Variants in BCKDK observed in about 807,000 individuals in gnomAD.
BCKDK encodes branched-chain alpha-ketoacid dehydrogenase kinase.
A neutral mutation model predicts 43.9 loss-of-function variants in BCKDK; 28 were observed. That is an observed-to-expected ratio of 0.64 (90% CI 0.47 to 0.87). The LOEUF is 0.87. Among genes scored for constraint, BCKDK ranks in the 40% least tolerant of loss-of-function variants. BCKDK has a pLI of 0.00. For missense variants in BCKDK, 483 were observed against 581.4 expected (o/e 0.83, Z 1.74); for synonymous variants, 257 against 234.3 (o/e 1.10, Z -0.88).
Position 31,110,036 on chromosome 16 carries a change from G to A in BCKDK, c.376-41G>A. 6.2e-7 allele frequency: 1 copy of A among 1,613,832 alleles called. No homozygotes were observed. Among genetic ancestry groups the A allele is most frequent in the Non-Finnish European group, 8.5e-7 (1 of 1,179,854 alleles). ...TGGGGGTGGCTGTTCTCTGCTCAGT[G>A]CCCATGCGGCTTTGTGAATTCCCAC... is the stretch of plus-strand genomic sequence containing the variant. On this transcript the variant is annotated intron_variant, in intron 4 of 11. Coordinates refer to ENST00000219794, the MANE Select transcript of BCKDK (RefSeq NM_005881.4). This position sits in a 1 kb window ranked among gnomAD's most constrained non-coding sequence, Gnocchi z 5.4.
Position 31,109,564 on chromosome 16 carries a change from C to A in BCKDK, c.249C>A (p.Asp83Glu), listed in dbSNP as rs138821043. Residue 83 changes from aspartate (D) to glutamate (E), a missense_variant, in exon 3 of 12, where the codon GAC becomes GAA. Transcript: ENST00000219794. The surrounding 1 kb of genome is among the most constrained non-coding windows in gnomAD (Gnocchi z 5.3). ...TMMLYAGRSQ[D>E]GSHLLKSARY... The stretch of plus-strand genomic sequence containing the variant: ...TGCTCTACGCTGGCCGCTCTCAGGA[C>A]GGCAGCCACCTTCTGGTAAGATTCA... The A allele has an allele frequency of 1.2e-6, 2 of 1,614,002 alleles. No individual in the cohort carries two copies. The highest frequency in any genetic ancestry group is 1.3e-5 in the African/African-American group (1 of 74,934).
chr16:31,113,179 T>C (rs754802828), downstream of BCKDK, among the ~76,000 whole-genome samples: 2 of 152,212 alleles, frequency 1.3e-5, no homozygotes, highest in Non-Finnish European at 2.9e-5. Context: ...AAGAAAGGCC[T>C]AAGGGCGGCC....
Position 31,112,022 on chromosome 16 carries a change from GC to G in BCKDK, c.1090del (p.His364ThrfsTer140). The G allele has an allele frequency of 6.2e-7, 1 of 1,614,044 alleles. No individual in the cohort carries two copies. The highest frequency in any genetic ancestry group is 8.5e-7 in the Non-Finnish European group (1 of 1,180,008). ...MHSGAQSGPM[H>X]GFGFGLPTSR... Reference sequence around the variant, plus strand: ...ATAGTGGCGCCCAGTCAGGACCCATGCACGGGTGAGACCCTGCCAGGCCAGG... The same window carrying G: ...ATAGTGGCGCCCAGTCAGGACCCATGACGGGTGAGACCCTGCCAGGCCAGG... On this transcript the variant is annotated frameshift_variant, in exon 11 of 12. Transcript: ENST00000219794. LOFTEE classifies it high-confidence loss of function. The surrounding 1 kb of genome is among the most constrained non-coding windows in gnomAD (Gnocchi z 5.0).
Position 31,109,205 on chromosome 16 carries a change from G to C in BCKDK, c.-19G>C, listed in dbSNP as rs770901905. The stretch of plus-strand genomic sequence containing the variant: ...GATCCTCAGTCCTAGCGGCCACCGG[G>C]TCTGAAAGGAGCAAGACGATGATCC... On this transcript the variant is annotated 5_prime_UTR_variant, in exon 2 of 12. Transcript: ENST00000219794. This position sits in a 1 kb window ranked among gnomAD's most constrained non-coding sequence, Gnocchi z 5.3. 78 of 1,499,812 alleles carry C rather than the reference G, an allele frequency of 5.2e-5. No homozygotes were observed. The highest frequency in any genetic ancestry group is 2.0e-4 in the Middle Eastern group (1 of 5,016). The allele number at this position is 1,499,812 out of a possible 1,614,324, so 92.9% of individuals were successfully genotyped here. A position where few individuals can be genotyped will look rare whatever the true frequency, so the allele number is the denominator to read the frequency against.
chr16:31,112,380 G>A lies in BCKDK; in HGVS notation c.*115G>A. 2 of 1,497,344 alleles carry A rather than the reference G, an allele frequency of 1.3e-6. No homozygotes were observed. The highest frequency in any genetic ancestry group is 1.8e-6 in the Non-Finnish European group (2 of 1,096,018). 92.8% of individuals were successfully genotyped at this position (1,497,344 alleles called of 1,614,324 possible). A position where few individuals can be genotyped will look rare whatever the true frequency, so the allele number is the denominator to read the frequency against. ...CACACTGCTGCATCTTGGGTCTCAG[G>A]GACCCAGACAGATGGACTTACATGG... is the stretch of plus-strand genomic sequence containing the variant. On this transcript the variant is annotated 3_prime_UTR_variant, in exon 12 of 12. Coordinates refer to ENST00000219794, the MANE Select transcript of BCKDK (RefSeq NM_005881.4). This position sits in a 1 kb window ranked among gnomAD's most constrained non-coding sequence, Gnocchi z 5.0.
At chr16:31,115,325 C>T (rs1422523960), downstream of BCKDK, among the ~76,000 whole-genome samples, 3 of 150,758 alleles carry the variant, frequency 2.0e-5, no homozygotes, top group Non-Finnish European at 2.9e-5. Flanking sequence ...CAGGTTCAAG[C>T]GGTTCTCCTG....
Position 31,112,327 on chromosome 16 carries a change from G to C in BCKDK, c.*62G>C, listed in dbSNP as rs530965915. Reference sequence around the variant, plus strand: ...GGCCGCATTCCCTGCAGGACCTCCCGGGTCAGGCAGGGCGGCCCCCTGCTC... The same window carrying C: ...GGCCGCATTCCCTGCAGGACCTCCCCGGTCAGGCAGGGCGGCCCCCTGCTC... On this transcript the variant is annotated 3_prime_UTR_variant, in exon 12 of 12. Coordinates refer to ENST00000219794, the MANE Select transcript of BCKDK (RefSeq NM_005881.4). This position sits in a 1 kb window ranked among gnomAD's most constrained non-coding sequence, Gnocchi z 5.0. The C allele has an allele frequency of 1.4e-5, 23 of 1,597,930 alleles. No individual in the cohort carries two copies. Among genetic ancestry groups the C allele is most frequent in the Non-Finnish European group, 1.4e-5 (16 of 1,178,440 alleles).
At chr16:31,116,288 C>T (rs893062669), downstream of BCKDK, among the ~76,000 whole-genome samples, 1 of 150,880 alleles carries the variant, frequency 6.6e-6, no homozygotes. Flanking sequence ...TCTCGGCTCA[C>T]TGCAACCTCC....
chr16:31,110,982 C>T lies in BCKDK; in HGVS notation c.717-109C>T. ...AGCAGTACTGCCTAGTTGTGACAAA[C>T]AAAAATGTCTCTGCACATTGCCATA... On this transcript the variant is annotated intron_variant, in intron 8 of 11. Transcript: ENST00000219794. The surrounding 1 kb of genome is among the most constrained non-coding windows in gnomAD (Gnocchi z 5.4). The T allele has an allele frequency of 6.5e-7, 1 of 1,539,102 alleles. No individual in the cohort carries two copies. Among genetic ancestry groups the T allele is most frequent in the East Asian group, 2.3e-5 (1 of 44,220 alleles).
Position 31,111,218 on chromosome 16 carries a change from A to AGGTGG in BCKDK, c.845+5_845+9dup. The AGGTGG allele has an allele frequency of 6.2e-7, 1 of 1,614,142 alleles. No homozygotes were observed. Among genetic ancestry groups the AGGTGG allele is most frequent in the Non-Finnish European group, 8.5e-7 (1 of 1,180,004 alleles). On this transcript the variant is annotated frameshift_variant and splice_region_variant, in exon 9 of 12. Coordinates refer to ENST00000219794, the MANE Select transcript of BCKDK (RefSeq NM_005881.4). LOFTEE classifies it high-confidence loss of function. ...GCCGGAGCTGCTCAAGAATGCCATGAGGTGGGGTGGCTTGATGTGCTGGCT... is the reference window on the plus strand; with the variant it reads ...GCCGGAGCTGCTCAAGAATGCCATGAGGTGGGGTGGGGTGGCTTGATGTGCTGGCT...
chr16:31,109,466 G>C lies in BCKDK; in HGVS notation c.196-45G>C, dbSNP rs748858351. 9.9e-6 allele frequency: 16 copies of C among 1,613,604 alleles called. No homozygotes were observed. Among genetic ancestry groups the C allele is most frequent in the Non-Finnish European group, 1.4e-5 (16 of 1,179,862 alleles). ...CAGGGTCCGGGATGTAGGCGGGAGG[G>C]AGAGTGTTGGGGGTTCTCTGCTCAA... On this transcript the variant is annotated intron_variant, in intron 2 of 11. Transcript: ENST00000219794. The surrounding 1 kb of genome is among the most constrained non-coding windows in gnomAD (Gnocchi z 5.3).
chr16:31,110,789 G>C lies in BCKDK; in HGVS notation c.716+28G>C, dbSNP rs1301477523. 4 of 1,607,098 alleles carry C rather than the reference G, an allele frequency of 2.5e-6. No individual in the cohort carries two copies. In the African/African-American group the frequency reaches 5.4e-5, roughly 21 times the overall value. ...GAGGCAAGAATGGCTCAGGGGGTGG[G>C]CAGACATCTGGGGCAGGGAAGGCTT... On this transcript the variant is annotated intron_variant, in intron 8 of 11. Transcript: ENST00000219794. This position sits in a 1 kb window ranked among gnomAD's most constrained non-coding sequence, Gnocchi z 5.4.
chr16:31,109,142 T>A lies in BCKDK; in HGVS notation c.-82T>A. ...GAGCCCCTACCCACCCACACCCCCT[T>A]GCCCCATTTTGGGTCGCCTGGGTCC... On this transcript the variant is annotated 5_prime_UTR_variant, in exon 2 of 12. Coordinates refer to ENST00000219794, the MANE Select transcript of BCKDK (RefSeq NM_005881.4). The surrounding 1 kb of genome is among the most constrained non-coding windows in gnomAD (Gnocchi z 5.3). 1 of 1,304,438 alleles carries A rather than the reference T, an allele frequency of 7.7e-7. No homozygotes were observed. Among genetic ancestry groups the A allele is most frequent in the East Asian group, 2.6e-5 (1 of 38,138 alleles). 80.8% of individuals were successfully genotyped at this position (1,304,438 alleles called of 1,614,324 possible).
downstream of BCKDK, chr16:31,117,402 T>TAAATAAATAAAAA (rs753420395): frequency 5.5e-6 from 1 of 180,830 alleles, no homozygotes; most frequent in South Asian, 3.4e-4. Flanking sequence ...ATAAATAAAT[T>TAAATAAATAAAAA]AAAAAAAGGT....
downstream of BCKDK, chr16:31,117,491 C>A: frequency 2.3e-6 from 1 of 426,052 alleles, no homozygotes; most frequent in South Asian, 8.1e-5. Context: ...CACGGAAAAC[C>A]AGGAGCTCCA....
At chr16:31,113,153 A>AGTGT (rs2057427651), downstream of BCKDK, among the ~76,000 whole-genome samples, 2 of 152,308 alleles carry the variant, frequency 1.3e-5, no homozygotes, top group East Asian at 1.9e-4. Context: ...GGAACACCCT[A>AGTGT]CCCACCTTGC....
chr16:31,114,432 C>T (rs544908901), downstream of BCKDK, among the ~76,000 whole-genome samples: 43 of 151,930 alleles, frequency 2.8e-4, no homozygotes, highest in African/African-American at 1.0e-3. Context: ...AGGCTGGTCT[C>T]GAACTCCCAA....
At position 31,109,957 on chromosome 16, in the gene BCKDK, A is replaced by T. The variant is rs184927873; in HGVS notation, c.376-120A>T. ...TATTCACGGAGCCTGGAAGGGTCGA[A>T]GTGGGGGTTTGATCACGTGGTCGAC... On this transcript the variant is annotated intron_variant, in intron 4 of 11. Transcript: ENST00000219794. The surrounding 1 kb of genome is among the most constrained non-coding windows in gnomAD (Gnocchi z 5.3). 1.0e-4 allele frequency: 150 copies of T among 1,467,822 alleles called. No homozygotes were observed. In the Admixed American group the frequency reaches 1.4e-3, roughly 14 times the overall value. 90.9% of individuals were successfully genotyped at this position (1,467,822 alleles called of 1,614,324 possible).
At position 31,109,164 on chromosome 16, in the gene BCKDK, G is replaced by GTCCTCAGTCCTAGCGGA. The variant is rs796525153; in HGVS notation, c.-43_-27dup. On this transcript the variant is annotated 5_prime_UTR_variant, in exon 2 of 12. Transcript: ENST00000219794. This position sits in a 1 kb window ranked among gnomAD's most constrained non-coding sequence, Gnocchi z 5.3. ...CCTTGCCCCATTTTGGGTCGCCTGG[G>GTCCTCAGTCCTAGCGGA]TCCTCAGTCCTAGCGGATCCTCAGT... The GTCCTCAGTCCTAGCGGA allele has an allele frequency of 3.1e-5, 44 of 1,420,280 alleles. No individual in the cohort carries two copies. In the African/African-American group the frequency reaches 4.1e-4, roughly 13 times the overall value. 88.0% of individuals were successfully genotyped at this position (1,420,280 alleles called of 1,614,324 possible).
Sources: allele counts gnomAD v4.1 joint callset (sites outside exome capture counted in the v4.1 genomes callset), GRCh38; gene constraint gnomAD v4.1.1; non-coding constraint Gnocchi (gnomAD v3.1); transcripts MANE v1.5; gene names NCBI Gene and HGNC (gene_info 2026-07-23, HGNC 2026-07-21).